The following INTS3 variants were observed in gnomAD, a reference collection of about 807,000 sequenced individuals.
INTS3 encodes the protein SOSS complex subunit A.
A neutral mutation model predicts 146.3 loss-of-function variants in INTS3; 34 were observed. The observed-to-expected ratio is 0.23, with a 90% CI of 0.18 to 0.31. INTS3 has a LOEUF of 0.31. Ranked by LOEUF, INTS3 falls within the 10% of genes least tolerant of loss-of-function variation. The pLI, the probability that INTS3 is intolerant of heterozygous loss-of-function variation, is 1.00. For missense variants in INTS3, 757 were observed against 1,304.2 expected (o/e 0.58, Z 6.46); for synonymous variants, 475 against 494.9 (o/e 0.96, Z 0.53).
intron 3 of INTS3, among the ~76,000 whole-genome samples, chr1:153,742,508 G>GTGTGTGTGTGTGTGTGTGTGTA: frequency 6.7e-6 from 1 of 150,058 alleles, no homozygotes; most frequent in Admixed American, 6.6e-5. Context: ...GTGTGTGTGT[G>GTGTGTGTGTGTGTGTGTGTGTA]CGTGCGCATC....
At chr1:153,743,029 G>A (rs1310123817) in intron 3 of INTS3, among the ~76,000 whole-genome samples, 1 of 152,198 alleles carries the variant, frequency 6.6e-6, no homozygotes, top group Non-Finnish European at 1.5e-5. Context: ...GTTTTAGGCG[G>A]GTGAGGAACT....
In INTS3 at chr1:153,741,143, G is replaced by A. The variant is rs561039154; in HGVS notation, c.235-142G>A. On this transcript the variant is annotated intron_variant, in intron 2 of 29. Coordinates refer to ENST00000318967, the MANE Select transcript of INTS3 (RefSeq NM_023015.5). ...TTCTTTTTTTAAAAATCTCTTTTAAGAGAAGGAAATCATCAGATTTAAAAG... is the reference window on the plus strand; with the variant it reads ...TTCTTTTTTTAAAAATCTCTTTTAAAAGAAGGAAATCATCAGATTTAAAAG... 6.8e-4 allele frequency: 486 copies of A among 714,550 alleles called. 4 individuals carry two copies. The highest frequency in any genetic ancestry group is 6.6e-3 in the South Asian group (391 of 59,284). 44.3% of individuals were successfully genotyped at this position (714,550 alleles called of 1,614,324 possible).
chr1:153,767,942 G>A (rs2101827018), intron 21 of INTS3, 115 bp downstream of exon 21: 5 of 1,063,422 alleles, frequency 4.7e-6, no homozygotes, highest in Non-Finnish European at 6.4e-6. Context: ...AACCTAGGTG[G>A]GCCATTGCTT....
chr1:153,743,636 C>G (rs2101792440), intron 3 of INTS3, among the ~76,000 whole-genome samples: 1 of 152,220 alleles, frequency 6.6e-6, no homozygotes, highest in African/African-American at 2.4e-5. Flanking sequence ...CTCTTGGCAG[C>G]CCTTAGGAAT....
intron 22 of INTS3, 51 bp from the exon 23 acceptor site, chr1:153,769,718 C>G (rs528205943): frequency 1.6e-6 from 2 of 1,276,238 alleles, no homozygotes; most frequent in South Asian, 1.2e-5. Flanking sequence ...TACTAGCTTC[C>G]TGGCCCCTTT....
At position 153,728,430 on chromosome 1, in the gene INTS3, T is replaced by C; in HGVS notation, c.-205T>C. 1.8e-6 allele frequency: 1 copy of C among 550,774 alleles called. No individual in the cohort carries two copies. Among genetic ancestry groups the C allele is most frequent in the Non-Finnish European group, 3.1e-6 (1 of 318,782 alleles). 34.1% of individuals were successfully genotyped at this position (550,774 alleles called of 1,614,324 possible). Reference sequence around the variant, plus strand: ...TTCCCTCAGCACTGCCACCCCAGAGTCAGGACCCAGAGGACTGTGCCTTCG... The same window carrying C: ...TTCCCTCAGCACTGCCACCCCAGAGCCAGGACCCAGAGGACTGTGCCTTCG... On this transcript the variant is annotated 5_prime_UTR_variant, in exon 1 of 30. Coordinates refer to ENST00000318967, the MANE Select transcript of INTS3 (RefSeq NM_023015.5).
intron 6 of INTS3, among the ~76,000 whole-genome samples, chr1:153,749,748 CTT>C (rs1267783847): frequency 6.6e-6 from 1 of 152,228 alleles, no homozygotes; most frequent in Non-Finnish European, 1.5e-5. Flanking sequence ...CCTTTCAACT[CTT>C]TCTTTCTCTT....
Position 153,743,594 on chromosome 1 carries a change from T to C in INTS3, c.318+2226T>C, listed in dbSNP as rs181337002. On this transcript the variant is annotated intron_variant, in intron 3 of 29. Transcript: ENST00000318967. Reference sequence around the variant, plus strand: ...TAGAGGATGCATGGGGTGGATTTTGTCTCACTTGTACCTTCTTGATTTGCA... The same window carrying C: ...TAGAGGATGCATGGGGTGGATTTTGCCTCACTTGTACCTTCTTGATTTGCA... Among the ~76,000 whole-genome samples the C allele has an allele frequency of 1.9e-3, 244 of 129,228 alleles. 7 individuals carry two copies. The highest frequency in any genetic ancestry group is 3.2e-4 in the Non-Finnish European group (18 of 55,574). 84.8% of individuals were successfully genotyped at this position (129,228 alleles called of 152,430 possible). A position where few individuals can be genotyped will look rare whatever the true frequency, so the allele number is the denominator to read the frequency against.
At chr1:153,762,685 A>G (rs374876022) in intron 14 of INTS3, 43 bp from the exon 15 acceptor site, 32 of 1,611,474 alleles carry the variant, frequency 2.0e-5, no homozygotes, top group Non-Finnish European at 2.6e-5. Context: ...ATGTTAGAGG[A>G]CCCAGGAGGC....
chr1:153,768,531 G>A (rs1672689188), intron 21 of INTS3, among the ~76,000 whole-genome samples: 1 of 152,198 alleles, frequency 6.6e-6, no homozygotes, highest in Non-Finnish European at 1.5e-5. Context: ...TTTGCTGCCA[G>A]GGATGCAAAT....
intron 1 of INTS3, 84 bp downstream of exon 1, chr1:153,728,868 T>TGGGGGGGGGGGGGG: frequency 5.3e-5 from 1 of 18,832 alleles, no homozygotes; most frequent in Non-Finnish European, 9.3e-5. Flanking sequence ...GGACGGGGGG[T>TGGGGGGGGGGGGGG]GGGGGCGGGG....
intron 23 of INTS3, 69 bp downstream of exon 23, chr1:153,769,913 C>T (rs1672749960): frequency 8.8e-7 from 1 of 1,138,404 alleles, no homozygotes; most frequent in South Asian, 1.2e-5. Context: ...GTGTATTTTA[C>T]ACTATCAGGA....
rs1672191575 is a variant in INTS3 at position 153,757,176 on chromosome 1, GCT to G, written c.958-393_958-392del. On this transcript the variant is annotated intron_variant, in intron 9 of 29. Coordinates refer to ENST00000318967, the MANE Select transcript of INTS3 (RefSeq NM_023015.5). This position sits in a 1 kb window ranked among gnomAD's most constrained non-coding sequence, Gnocchi z 4.0. ...TGATGTTGAGTGGTGAACAGACCCA[GCT>G]CTTACTCTTGAAGAACATTTCTTGC... 6.6e-6 allele frequency among the ~76,000 whole-genome samples: 1 copy of G among 152,202 alleles called. No individual in the cohort carries two copies. Among genetic ancestry groups the G allele is most frequent in the Admixed American group, 6.5e-5 (1 of 15,278 alleles).
At chr1:153,750,385 T>G (rs932743463) in intron 6 of INTS3, among the ~76,000 whole-genome samples, 4 of 152,172 alleles carry the variant, frequency 2.6e-5, no homozygotes, top group African/African-American at 9.6e-5. Flanking sequence ...CATTACCCCC[T>G]TTTCCCTCAG....
intron 20 of INTS3, among the ~76,000 whole-genome samples, chr1:153,765,865 C>T (rs1213297637): frequency 3.9e-5 from 6 of 152,070 alleles, no homozygotes; most frequent in African/African-American, 1.2e-4. Flanking sequence ...CCACTGTGCC[C>T]GGCCTCAATA....
intron 7 of INTS3, 102 bp downstream of exon 7, chr1:153,751,341 G>A (rs1671951360): frequency 2.6e-6 from 3 of 1,163,668 alleles, no homozygotes; most frequent in South Asian, 2.9e-5. Flanking sequence ...TAGAGATGAA[G>A]GTGCATCAAG....
At chr1:153,769,900 C>G in intron 23 of INTS3, 56 bp downstream of exon 23, 1 of 1,252,658 alleles carries the variant, frequency 8.0e-7, no homozygotes, top group Admixed American at 1.7e-5. Context: ...GGGTGTCAGT[C>G]CTGTGTATTT....
intron 7 of INTS3, 117 bp from the exon 8 acceptor site, chr1:153,752,162 T>G: frequency 1.9e-6 from 2 of 1,040,006 alleles, no homozygotes; most frequent in Non-Finnish European, 2.9e-6. Flanking sequence ...TCATAGTTTC[T>G]TCAACCCTCT....
chr1:153,734,648 C>T (rs1309630787), intron 1 of INTS3, among the ~76,000 whole-genome samples: 1 of 152,194 alleles, frequency 6.6e-6, no homozygotes, highest in Non-Finnish European at 1.5e-5. Context: ...CCCAAGGTCT[C>T]TCAGCAATAG....
Sources: allele counts gnomAD v4.1 joint callset (sites outside exome capture counted in the v4.1 genomes callset), GRCh38; gene constraint gnomAD v4.1.1; non-coding constraint Gnocchi (gnomAD v3.1); transcripts MANE v1.5; gene names NCBI Gene and HGNC (gene_info 2026-07-23, HGNC 2026-07-21).